Variants in CD96 observed in about 807,000 individuals in gnomAD.
The protein encoded by CD96 is T-cell surface protein tactile.
Under a neutral mutation model 71.3 loss-of-function variants are expected in CD96, and 70 were observed. That is an observed-to-expected ratio of 0.98 (90% confidence interval 0.81 to 1.20). The LOEUF (loss-of-function observed/expected upper bound fraction) is 1.20, where lower values mean the gene tolerates loss of function less well. Among genes scored for constraint, CD96 ranks in the 50% most tolerant of loss-of-function variants. CD96 has a pLI of 0.00. For synonymous variants in CD96, 248 were observed against 233.0 expected, an observed-to-expected ratio of 1.06 and a Z score of -0.59; for missense variants, 742 against 677.5, an observed-to-expected ratio of 1.10 and a Z score of -1.06.
intron 5 of CD96, among the ~76,000 whole-genome samples, chr3:111,596,378 T>C (rs548502658): frequency 3.9e-5 from 6 of 151,902 alleles, no homozygotes; most frequent in African/African-American, 1.2e-4. Context: ...CTAGAGAGAG[T>C]CTAGAATGTT....
intron 8 of CD96, among the ~76,000 whole-genome samples, chr3:111,622,799 A>G (rs928509893): frequency 3.3e-5 from 5 of 152,386 alleles, no homozygotes; most frequent in African/African-American, 9.6e-5. Flanking sequence ...TTCTCTAGCT[A>G]TTCATAATAA....
At chr3:111,556,197 T>G (rs1559715946) in intron 2 of CD96, among the ~76,000 whole-genome samples, 1 of 151,938 alleles carries the variant, frequency 6.6e-6, no homozygotes, top group African/African-American at 2.4e-5. Context: ...AATAGACTAA[T>G]AACAACTTCT....
At chr3:111,655,688 C>A (rs1940212224), downstream of CD96, among the ~76,000 whole-genome samples, 1 of 151,800 alleles carries the variant, frequency 6.6e-6, no homozygotes, top group South Asian at 2.1e-4. Context: ...ATAAATAGAA[C>A]TAAGGAGAAA....
intron 10 of CD96, 63 bp from the exon 11 acceptor site, chr3:111,637,133 G>T: frequency 1.2e-6 from 1 of 837,672 alleles, no homozygotes. Context: ...GATTAAATTA[G>T]CAGTCAAGAA....
Position 111,649,818 on chromosome 3 carries a change from T to C in CD96, c.*12T>C, listed in dbSNP as rs1344714935. 6.6e-7 allele frequency: 1 copy of C among 1,505,244 alleles called. No individual in the cohort carries two copies. Among genetic ancestry groups the C allele is most frequent in the Non-Finnish European group, 9.3e-7 (1 of 1,080,556 alleles). The allele number at this position is 1,505,244 out of a possible 1,614,324, so 93.2% of individuals were successfully genotyped here. ...TGGAGACCCTCTAGTCTCGTGAGAC[T>C]TTGCCCCATGGCAGAACTCTGCTGG... On this transcript the variant is annotated 3_prime_UTR_variant, in exon 14 of 14. Transcript: ENST00000352690.
intron 5 of CD96, among the ~76,000 whole-genome samples, chr3:111,587,043 A>G (rs1476780629): frequency 6.6e-6 from 1 of 152,146 alleles, no homozygotes; most frequent in Non-Finnish European, 1.5e-5. Flanking sequence ...TACATCCTAG[A>G]TACAATGGAG....
intron 2 of CD96, among the ~76,000 whole-genome samples, chr3:111,549,196 T>A (rs1053911763): frequency 1.3e-5 from 2 of 150,080 alleles, no homozygotes; most frequent in Non-Finnish European, 3.0e-5. Flanking sequence ...TTTCCTTTCC[T>A]TTGGAAGCGC....
chr3:111,631,039 A>G (rs1939035325), intron 10 of CD96, among the ~76,000 whole-genome samples: 1 of 152,312 alleles, frequency 6.6e-6, no homozygotes, highest in Middle Eastern at 3.4e-3. Context: ...CCCACAGCCA[A>G]TATCATGCTG....
rs903487111 is a variant in CD96 at position 111,606,900 on chromosome 3, T to G, written c.1180+108T>G. 1.4e-4 allele frequency: 110 copies of G among 762,152 alleles called. 1 individual carries two copies. The highest frequency in any genetic ancestry group is 1.5e-4 in the Non-Finnish European group (64 of 418,576). The allele number at this position is 762,152 out of a possible 1,614,324, so 47.2% of individuals were successfully genotyped here. The stretch of plus-strand genomic sequence containing the variant: ...GCCTGTTTCTTAGCTATGACTTTTT[T>G]GGGGCTGAAATTGGGTTTTATTTTT... On this transcript the variant is annotated intron_variant, in intron 8 of 13. Coordinates refer to ENST00000352690, the MANE Select transcript of CD96 (RefSeq NM_005816.5).
chr3:111,598,200 T>A lies in CD96; in HGVS notation c.888T>A (p.Asp296Glu), dbSNP rs2107642931. The A allele has an allele frequency of 7.4e-7, 1 of 1,354,316 alleles. No homozygotes were observed. Among genetic ancestry groups the A allele is most frequent in the Admixed American group, 1.7e-5 (1 of 59,684 alleles). The allele number at this position is 1,354,316 out of a possible 1,614,324, so 83.9% of individuals were successfully genotyped here. ...TTATAGATGGAAGTTTTCTTCATGA[T>A]GAAAAAGAAGGTAAGGAAACTAATC... ...TWFIDGSFLH[D>E]EKEGIYITNE... is the part of the protein sequence containing the mutation. The change falls in exon 6 of 14, where the codon GAT becomes GAA. Residue 296 changes from aspartate to glutamate, a missense_variant. By Grantham distance (45) the Asp-to-Glu change is conservative (BLOSUM62 2). Transcript: ENST00000352690.
chr3:111,658,372 A>G (rs1940281422), intron 14 of CD96, among the ~76,000 whole-genome samples: 1 of 152,190 alleles, frequency 6.6e-6, no homozygotes, highest in South Asian at 2.1e-4. Flanking sequence ...CAGAGAGAGA[A>G]AGGAGGGCTC....
rs573010210 is a variant in CD96 at position 111,643,038 on chromosome 3, A to G, written c.1478-4505A>G. On this transcript the variant is annotated intron_variant, in intron 12 of 13. Transcript: ENST00000352690. ...AACCAAAAAAGAAAACTACAGACCTATATCCTTGCTGAACATAGATGCCAA... is the reference window on the plus strand; with the variant it reads ...AACCAAAAAAGAAAACTACAGACCTGTATCCTTGCTGAACATAGATGCCAA... Among the ~76,000 whole-genome samples the G allele has an allele frequency of 1.1e-4, 16 of 150,644 alleles. No homozygotes were observed. The South Asian group carries it at 2.9e-3, about 28-fold the overall frequency.
chr3:111,571,582 TGA>T (rs1486029711), intron 3 of CD96, among the ~76,000 whole-genome samples: 20 of 151,960 alleles, frequency 1.3e-4, no homozygotes, highest in Admixed American at 1.3e-3. Flanking sequence ...AGTGAGAGGG[TGA>T]ATCTTAAACA....
At chr3:111,555,644 A>G (rs940444791) in intron 2 of CD96, among the ~76,000 whole-genome samples, 63 of 152,378 alleles carry the variant, frequency 4.1e-4, no homozygotes, top group African/African-American at 1.4e-3. Context: ...TTCAATTGCT[A>G]CTTTTATAAT....
chr3:111,612,376 C>T (rs1441340326), intron 8 of CD96, among the ~76,000 whole-genome samples: 1 of 152,168 alleles, frequency 6.6e-6, no homozygotes, highest in Non-Finnish European at 1.5e-5. Context: ...AACAATCATA[C>T]AAGGACCTTT....
At chr3:111,615,136 A>G (rs1483666150) in intron 8 of CD96, among the ~76,000 whole-genome samples, 1 of 152,246 alleles carries the variant, frequency 6.6e-6, no homozygotes, top group African/African-American at 2.4e-5. Flanking sequence ...TGAAGGTACA[A>G]GTATTCCATT....
chr3:111,613,959 C>A (rs1476347541), intron 8 of CD96, among the ~76,000 whole-genome samples: 1 of 152,066 alleles, frequency 6.6e-6, no homozygotes, highest in East Asian at 1.9e-4. Context: ...TTTTTCCATT[C>A]TTCTCTGTTC....
At chr3:111,643,082 A>C (rs556809448) in intron 12 of CD96, among the ~76,000 whole-genome samples, 5 of 151,654 alleles carry the variant, frequency 3.3e-5, no homozygotes, top group East Asian at 3.9e-4. Flanking sequence ...AAAAAAAAAA[A>C]AAAAAAAACT....
intron 3 of CD96, among the ~76,000 whole-genome samples, chr3:111,571,594 A>G (rs1234221538): frequency 6.6e-6 from 1 of 152,140 alleles, no homozygotes. Context: ...AATCTTAAAC[A>G]TCCACTAGAA....
Sources: gnomAD v4.1 joint callset for allele counts (sites outside exome capture counted in the v4.1 genomes callset) on GRCh38, gnomAD v4.1.1 for gene constraint, MANE v1.5 for transcripts, NCBI Gene and HGNC (gene_info 2026-07-23, HGNC 2026-07-21) for gene names.